The following THSD4 variants were observed in gnomAD, a reference collection of about 807,000 sequenced individuals.
THSD4 encodes the protein thrombospondin type 1 domain containing 4, also known as thrombospondin type-1 domain-containing protein 4.
In THSD4, 69 loss-of-function variants were observed where a neutral mutation model predicts 119.0. That is an observed-to-expected ratio of 0.58 (90% CI 0.48 to 0.71). The LOEUF is 0.71. Among genes scored for constraint, THSD4 ranks in the 30% least tolerant of loss-of-function variants. The probability of loss-of-function intolerance (pLI) is 0.00; values close to 1 mark genes in which losing one functional copy is unlikely to be tolerated. For missense variants in THSD4, 1,393 were observed against 1,391.1 expected (o/e 1.00, Z -0.02); for synonymous variants, 524 against 540.4 (o/e 0.97, Z 0.42).
chr15:71,708,986 C>T (rs530426203), intron 8 of THSD4, among the ~76,000 whole-genome samples: 3 of 152,322 alleles, frequency 2.0e-5, no homozygotes, highest in East Asian at 1.9e-4. Context: ...TGTGAGGTCC[C>T]GTCCCTGGAC....
At chr15:71,757,800 C>T (rs8026426) in intron 14 of THSD4, 102 bp from the exon 15 acceptor site, 122,654 of 1,453,980 alleles carry the variant, frequency 0.084, 11,695 homozygotes, top group African/African-American at 0.44. Context: ...GGGAAACAGA[C>T]GGCAGGAAAA....
At chr15:71,554,840 C>T (rs1357923034) in intron 7 of THSD4, among the ~76,000 whole-genome samples, 2 of 151,676 alleles carry the variant, frequency 1.3e-5, no homozygotes. Context: ...CTTAAAAAGG[C>T]ATAATACTGA....
intron 6 of THSD4, among the ~76,000 whole-genome samples, chr15:71,393,540 G>A (rs2046404935): frequency 2.6e-5 from 4 of 152,066 alleles, no homozygotes; most frequent in Admixed American, 6.5e-5. Flanking sequence ...CCCCTTACCC[G>A]TGTCCTTTGT....
intron 6 of THSD4, among the ~76,000 whole-genome samples, chr15:71,308,584 C>T (rs1413780097): frequency 6.6e-6 from 1 of 152,162 alleles, no homozygotes; most frequent in African/African-American, 2.4e-5. Flanking sequence ...TCATGTGGAT[C>T]AGTTCTTCCT....
intron 1 of THSD4, among the ~76,000 whole-genome samples, chr15:71,138,692 A>G (rs1390067977): frequency 1.3e-5 from 2 of 151,790 alleles, no homozygotes; most frequent in African/African-American, 4.8e-5. Context: ...CCCTCAAGCC[A>G]CCACGTATAG....
intron 7 of THSD4, among the ~76,000 whole-genome samples, chr15:71,508,951 T>TC (rs1555421810): frequency 6.6e-6 from 1 of 150,974 alleles, no homozygotes; most frequent in Non-Finnish European, 1.5e-5. Context: ...TTTTTTTTTT[T>TC]CAAAAAAGGA....
chr15:71,356,128 A>C (rs1035458968), intron 6 of THSD4, among the ~76,000 whole-genome samples: 4 of 152,188 alleles, frequency 2.6e-5, no homozygotes, highest in Admixed American at 6.5e-5. Context: ...TCAGTATCCC[A>C]AAGTGCTGAG....
At chr15:71,341,126 T>G in intron 6 of THSD4, 1 of 1,343,500 alleles carries the variant, frequency 7.4e-7, no homozygotes, top group Non-Finnish European at 1.0e-6. Context: ...CTTTTTTTTT[T>G]CCTTTTAATT....
chr15:71,551,080 T>G (rs181968816), intron 7 of THSD4, among the ~76,000 whole-genome samples: 2 of 152,342 alleles, frequency 1.3e-5, no homozygotes, highest in East Asian at 3.9e-4. Context: ...TCCATCCTAC[T>G]GTCCTAGTGA....
intron 6 of THSD4, among the ~76,000 whole-genome samples, chr15:71,373,226 T>C (rs534454320): frequency 6.6e-6 from 1 of 152,342 alleles, no homozygotes; most frequent in East Asian, 1.9e-4. Flanking sequence ...AAATAATTCT[T>C]AATAATTTCT....
intron 6 of THSD4, among the ~76,000 whole-genome samples, chr15:71,297,362 A>T (rs571529897): frequency 1.1e-4 from 16 of 141,904 alleles, no homozygotes; most frequent in African/African-American, 2.9e-4. Context: ...CTGAGACGGA[A>T]TCTCGCTCTG....
In THSD4 at chr15:71,434,637, G is replaced by A. The variant is rs533471207; in HGVS notation, c.1152+22814G>A. 1.5e-4 allele frequency among the ~76,000 whole-genome samples: 23 copies of A among 151,998 alleles called. No homozygotes were observed. The East Asian group carries it at 3.7e-3, about 24-fold the overall frequency. ...AAGGCCTGTGAAGTTTTAGTTACCA[G>A]GGGTTTGAGAAAAGGGAATCTAGCT... On this transcript the variant is annotated intron_variant, in intron 7 of 17. Coordinates refer to ENST00000261862, the MANE Select transcript of THSD4 (RefSeq NM_024817.3).
intron 6 of THSD4, among the ~76,000 whole-genome samples, chr15:71,337,609 G>A (rs2045505174): frequency 1.3e-5 from 2 of 152,176 alleles, no homozygotes; most frequent in South Asian, 2.1e-4. Flanking sequence ...ATTCTGGCCC[G>A]CAGGTCATTA....
intron 7 of THSD4, among the ~76,000 whole-genome samples, chr15:71,582,930 T>C (rs140060778): frequency 3.9e-5 from 6 of 152,246 alleles, no homozygotes; most frequent in African/African-American, 1.4e-4. Flanking sequence ...AGAATATCGA[T>C]GCTGGCCTTA....
chr15:71,345,509 G>A (rs2028467), intron 6 of THSD4, among the ~76,000 whole-genome samples: 42,459 of 152,080 alleles, frequency 0.28, 7,368 homozygotes, highest in Middle Eastern at 0.4. Flanking sequence ...CACACATAAC[G>A]AGAAATCTGG....
At chr15:71,609,832 A>T (rs2050187574) in intron 7 of THSD4, among the ~76,000 whole-genome samples, 1 of 145,754 alleles carries the variant, frequency 6.9e-6, no homozygotes. Context: ...AGCCTGGGCG[A>T]CAGAGCAAGA....
chr15:71,382,399 T>C (rs2046240141), intron 6 of THSD4, among the ~76,000 whole-genome samples: 1 of 152,206 alleles, frequency 6.6e-6, no homozygotes, highest in African/African-American at 2.4e-5. Flanking sequence ...TAGCACTCAA[T>C]TTTAGAAAAA....
At chr15:71,466,565 C>G (rs1372884696) in intron 7 of THSD4, among the ~76,000 whole-genome samples, 1 of 152,126 alleles carries the variant, frequency 6.6e-6, no homozygotes, top group African/African-American at 2.4e-5. Context: ...CCTCATCCCT[C>G]TAGGGTTTGC....
At chr15:71,390,643 C>T (rs1362972902) in intron 6 of THSD4, among the ~76,000 whole-genome samples, 1 of 152,026 alleles carries the variant, frequency 6.6e-6, no homozygotes, top group African/African-American at 2.4e-5. Flanking sequence ...GAGCTCTGCC[C>T]TGAGGAGTAG....
Sources: allele counts gnomAD v4.1 joint callset (sites outside exome capture counted in the v4.1 genomes callset), GRCh38; gene constraint gnomAD v4.1.1; transcripts MANE v1.5; gene names NCBI Gene and HGNC (gene_info 2026-07-23, HGNC 2026-07-21).